The following SLC43A2 variants were observed in gnomAD, a reference collection of about 807,000 sequenced individuals.
The protein encoded by SLC43A2 is solute carrier family 43 member 2.
SLC43A2 carries 38 observed loss-of-function variants against 63.2 expected under a neutral mutation model. The observed-to-expected ratio is 0.60, with a 90% CI of 0.46 to 0.79. The LOEUF (loss-of-function observed/expected upper bound fraction) is 0.79, where lower values mean the gene tolerates loss of function less well. Among genes scored for constraint, SLC43A2 ranks in the 30% least tolerant of loss-of-function variants. The pLI is 0.00. For missense variants in SLC43A2, 644 were observed against 756.2 expected, an observed-to-expected ratio of 0.85 and a Z score of 1.74; for synonymous variants, 322 against 331.0, an observed-to-expected ratio of 0.97 and a Z score of 0.30.
intron 2 of SLC43A2, among the ~76,000 whole-genome samples, chr17:1,621,597 C>G (rs997205708): frequency 1.3e-5 from 2 of 152,222 alleles, no homozygotes; most frequent in African/African-American, 4.8e-5. Flanking sequence ...GGCCCCTGAG[C>G]AGTGGTCCCA....
rs377753346 is a variant in SLC43A2 at position 1,573,152 on chromosome 17, G to C, written c.*2452C>G. ...CAGTTGCACCACTGCACTCCAGCCTGGATGGCAGAGCAAGACCCCAACTCA... is the reference window on the plus strand; with the variant it reads ...CAGTTGCACCACTGCACTCCAGCCTCGATGGCAGAGCAAGACCCCAACTCA... On this transcript the variant is annotated 3_prime_UTR_variant, in exon 14 of 14. Coordinates refer to ENST00000301335, the MANE Select transcript of SLC43A2 (RefSeq NM_152346.3). 7 of 135,626 alleles carry C rather than the reference G, an allele frequency of 5.2e-5. No individual in the cohort carries two copies. The highest frequency in any genetic ancestry group is 2.0e-4 in the African/African-American group (7 of 34,244). The allele number at this position is 135,626 out of a possible 1,614,324, so 8.4% of individuals were successfully genotyped here. A position where few individuals can be genotyped will look rare whatever the true frequency, so the allele number is the denominator to read the frequency against.
At chr17:1,586,154 G>A in intron 9 of SLC43A2, 103 bp from the exon 10 acceptor site, 1 of 1,452,864 alleles carries the variant, frequency 6.9e-7, no homozygotes, top group Non-Finnish European at 9.1e-7. Context: ...GCTCTTCTGG[G>A]GTCTGCCCCA....
chr17:1,595,643 A>G (rs916773428), intron 5 of SLC43A2, among the ~76,000 whole-genome samples: 26 of 151,786 alleles, frequency 1.7e-4, no homozygotes, highest in Non-Finnish European at 2.8e-4. Flanking sequence ...ATAGGGTTTC[A>G]CCATGCTGCC....
rs1035686684 is a variant in SLC43A2 at position 1,583,208 on chromosome 17, A to T, written c.1346T>A (p.Leu449His). 25 of 1,613,786 alleles carry T rather than the reference A, an allele frequency of 1.5e-5. No individual in the cohort carries two copies. The highest frequency in any genetic ancestry group is 2.1e-5 in the Non-Finnish European group (25 of 1,179,878). The change falls in exon 11 of 14, where the codon CTC becomes CAC. Residue 449 changes from leucine (L) to histidine (H), a missense_variant. By Grantham distance (99) the Leu-to-His change is moderately conservative. Transcript: ENST00000301335. This position sits in a 1 kb window ranked among gnomAD's most constrained non-coding sequence, Gnocchi z 5.5. ...GVTCLIPNLPLQILSFILHTI... is the reference protein window; with the variant it reads ...GVTCLIPNLPHQILSFILHTI... ...CCTCCCACTCCCCACACCCACCTGG[A>T]GAGGCAGGTTGGGAATGAGGCAGGT...
chr17:1,581,068 T>C (rs1269731741), intron 11 of SLC43A2, among the ~76,000 whole-genome samples: 1 of 152,046 alleles, frequency 6.6e-6, no homozygotes, highest in Non-Finnish European at 1.5e-5. Flanking sequence ...GGCCACCAGG[T>C]CCCTGTGGTC....
rs2151023894 is a variant in SLC43A2 at position 1,574,612 on chromosome 17, C to G, written c.*992G>C. 6.6e-6 allele frequency: 1 copy of G among 152,406 alleles called. No homozygotes were observed. The highest frequency in any genetic ancestry group is 6.5e-5 in the Admixed American group (1 of 15,304). 9.4% of individuals were successfully genotyped at this position (152,406 alleles called of 1,614,324 possible). On this transcript the variant is annotated 3_prime_UTR_variant, in exon 14 of 14. Coordinates refer to ENST00000301335, the MANE Select transcript of SLC43A2 (RefSeq NM_152346.3). Reference sequence around the variant, plus strand: ...CAGCTCCAGGGCCCCACGGAGCCCGCCGGCAGGGGGTGCTGTGGGCCTGTG... The same window carrying G: ...CAGCTCCAGGGCCCCACGGAGCCCGGCGGCAGGGGGTGCTGTGGGCCTGTG...
intron 9 of SLC43A2, chr17:1,586,814 C>T (rs1371897948): frequency 1.2e-5 from 10 of 855,688 alleles, no homozygotes; most frequent in Non-Finnish European, 1.7e-5. Context: ...ATGTTGATTG[C>T]CCCAGTTTTA....
In SLC43A2 at chr17:1,602,289, G is replaced by A. The variant is rs1357997581; in HGVS notation, c.502-9010C>T. 2.0e-5 allele frequency among the ~76,000 whole-genome samples: 3 copies of A among 152,132 alleles called. No homozygotes were observed. The South Asian group carries it at 6.2e-4, about 32-fold the overall frequency. On this transcript the variant is annotated intron_variant, in intron 5 of 13. Coordinates refer to ENST00000301335, the MANE Select transcript of SLC43A2 (RefSeq NM_152346.3). ...CCCAAACTGCAATGATTACAGGCAT[G>A]AGCCACTGCACCCGGCCAATCTTTG... is the stretch of plus-strand genomic sequence containing the variant.
At chr17:1,581,804 C>T (rs544020520) in intron 11 of SLC43A2, among the ~76,000 whole-genome samples, 1 of 151,360 alleles carries the variant, frequency 6.6e-6, no homozygotes, top group South Asian at 2.1e-4. Flanking sequence ...CAAAGAAATT[C>T]AGTTTTTTTT....
At chr17:1,615,276 A>AT (rs1212216858) in intron 3 of SLC43A2, among the ~76,000 whole-genome samples, 3 of 151,270 alleles carry the variant, frequency 2.0e-5, no homozygotes, top group Admixed American at 6.6e-5. Context: ...CGCGTGGCTA[A>AT]TTTTTTTATT....
chr17:1,617,969 G>A (rs1907829575), intron 2 of SLC43A2, among the ~76,000 whole-genome samples: 1 of 152,250 alleles, frequency 6.6e-6, no homozygotes, highest in South Asian at 2.1e-4. Flanking sequence ...GCAGAAAACA[G>A]GAGCCGACTT....
rs138414399 is a variant in SLC43A2, at chr17:1,612,901, C to G, written c.501+294G>C. Among the ~76,000 whole-genome samples, 371 of 151,686 alleles carry G rather than the reference C, an allele frequency of 2.4e-3. 1 individual carries two copies. The highest frequency in any genetic ancestry group is 8.7e-3 in the African/African-American group (360 of 41,308). On this transcript the variant is annotated intron_variant, in intron 5 of 13. Coordinates refer to ENST00000301335, the MANE Select transcript of SLC43A2 (RefSeq NM_152346.3). ...GCAGGAGAATCGCTTGAACCTGGGA[C>G]GCGGAGGTTGCAGTGAGCCGAGATC...
chr17:1,625,211 C>A lies in SLC43A2; in HGVS notation c.160+2504G>T, dbSNP rs554001669. Among the ~76,000 whole-genome samples the A allele has an allele frequency of 1.6e-3, 237 of 152,336 alleles. 1 individual carries two copies. Among genetic ancestry groups the A allele is most frequent in the Non-Finnish European group, 1.5e-3 (101 of 68,034 alleles). On this transcript the variant is annotated intron_variant, in intron 2 of 13. Transcript: ENST00000301335. ...AAACCCAGCCTGCCACGTCTCCCAGCAGGCAAGGAAGAACAAACTGCGGGG... is the reference window on the plus strand; with the variant it reads ...AAACCCAGCCTGCCACGTCTCCCAGAAGGCAAGGAAGAACAAACTGCGGGG...
intron 12 of SLC43A2, 129 bp from the exon 13 acceptor site, chr17:1,576,849 T>C: frequency 9.4e-7 from 1 of 1,067,244 alleles, no homozygotes; most frequent in Middle Eastern, 3.2e-4. Context: ...GATTCCTTCC[T>C]GCTGGGCAGT....
At position 1,595,545 on chromosome 17, in the gene SLC43A2, A is replaced by G. The variant is rs1905219302; in HGVS notation, c.502-2266T>C. 5.9e-5 allele frequency among the ~76,000 whole-genome samples: 9 copies of G among 152,094 alleles called. No individual in the cohort carries two copies. The South Asian group carries it at 1.9e-3, about 32-fold the overall frequency. On this transcript the variant is annotated intron_variant, in intron 5 of 13. Coordinates refer to ENST00000301335, the MANE Select transcript of SLC43A2 (RefSeq NM_152346.3). ...TCTGCAACCTCCACCTCCCAAGTTC[A>G]AGCGAGTCTCCTGCCTCAGCGTCCT...
intron 5 of SLC43A2, among the ~76,000 whole-genome samples, chr17:1,595,292 A>AAAG (rs1905199615): frequency 2.0e-5 from 3 of 150,174 alleles, no homozygotes; most frequent in African/African-American, 7.5e-5. Flanking sequence ...AAAAAAAAAA[A>AAAG]AGAGAGAGAG....
At chr17:1,586,928 T>TGCGCCCCCCCC in intron 9 of SLC43A2, 6 of 1,232,858 alleles carry the variant, frequency 4.9e-6, no homozygotes, top group Non-Finnish European at 6.7e-6. Context: ...TCCCTGACAA[T>TGCGCCCCCCCC]CCCCCCCACC....
At chr17:1,580,433 C>T (rs1048456457) in intron 11 of SLC43A2, among the ~76,000 whole-genome samples, 2 of 152,226 alleles carry the variant, frequency 1.3e-5, no homozygotes, top group African/African-American at 4.8e-5. Context: ...TGCCTTTGCC[C>T]ACCTCGGACT....
chr17:1,618,863 T>C (rs1004890216), intron 2 of SLC43A2, among the ~76,000 whole-genome samples: 2 of 151,580 alleles, frequency 1.3e-5, no homozygotes, highest in African/African-American at 4.9e-5. Flanking sequence ...CGCATGCCTG[T>C]AATCCCAGCT....
Sources: allele counts gnomAD v4.1 joint callset (sites outside exome capture counted in the v4.1 genomes callset), GRCh38; gene constraint gnomAD v4.1.1; non-coding constraint Gnocchi (gnomAD v3.1); transcripts MANE v1.5; gene names NCBI Gene and HGNC (gene_info 2026-07-23, HGNC 2026-07-21).